Variants in CGRRF1 observed in about 807,000 individuals in gnomAD.
CGRRF1 encodes the protein cell growth regulator with ring finger domain 1, also known as cell growth regulator with RING finger domain protein 1.
A neutral mutation model predicts 37.2 loss-of-function variants in CGRRF1; 32 were observed. The observed-to-expected ratio is 0.86, with a 90% CI of 0.65 to 1.16. CGRRF1 has a LOEUF of 1.16. Among genes scored for constraint, CGRRF1 ranks in the 50% most tolerant of loss-of-function variants. The pLI is 0.00. For missense variants in CGRRF1, 391 were observed against 382.6 expected, an observed-to-expected ratio of 1.02 and a Z score of -0.18; for synonymous variants, 141 against 140.3, an observed-to-expected ratio of 1.00 and a Z score of -0.04.
chr14:54,531,165 TACA>T lies in CGRRF1; in HGVS notation c.570+121_570+123del, dbSNP rs2032508950. On this transcript the variant is annotated intron_variant, in intron 4 of 5. Coordinates refer to ENST00000216420, the MANE Select transcript of CGRRF1 (RefSeq NM_006568.3). ...AATTTCTGAGGATGTGCATTTGGCC[TACA>T]ACAACTATATACCTATTTGGTTTTT... 6.1e-6 allele frequency: 5 copies of T among 819,378 alleles called. No homozygotes were observed. In the South Asian group the frequency reaches 7.1e-5, roughly 12 times the overall value. The allele number at this position is 819,378 out of a possible 1,614,324, so 50.8% of individuals were successfully genotyped here.
chr14:54,535,359 T>TCACA (rs143950400), intron 4 of CGRRF1, among the ~76,000 whole-genome samples: 5,220 of 140,548 alleles, frequency 0.037, 87 homozygotes, highest in African/African-American at 0.046. Context: ...AAGGGTATAG[T>TCACA]CACACACACA....
intron 1 of CGRRF1, among the ~76,000 whole-genome samples, chr14:54,518,210 A>T (rs768865511): frequency 1.6e-4 from 25 of 152,214 alleles, no homozygotes; most frequent in Non-Finnish European, 3.5e-4. Flanking sequence ...ACTGTCTTCC[A>T]CAATAGTTGA....
chr14:54,520,912 G>A (rs1021693024), intron 1 of CGRRF1, among the ~76,000 whole-genome samples: 2 of 151,980 alleles, frequency 1.3e-5, no homozygotes, highest in African/African-American at 4.8e-5. Flanking sequence ...TGGAGAGAAG[G>A]GAGTGCATCA....
At chr14:54,533,011 A>G (rs891020140) in intron 4 of CGRRF1, among the ~76,000 whole-genome samples, 1 of 151,380 alleles carries the variant, frequency 6.6e-6, no homozygotes, top group African/African-American at 2.4e-5. Flanking sequence ...GCACAAAAGG[A>G]TCAGATCGCA....
intron 1 of CGRRF1, among the ~76,000 whole-genome samples, chr14:54,511,835 G>A (rs1448108009): frequency 1.3e-5 from 2 of 152,216 alleles, no homozygotes; most frequent in Non-Finnish European, 2.9e-5. Flanking sequence ...TCTGGGCTAA[G>A]CACTGCTGAG....
chr14:54,525,515 C>T (rs544349036), intron 2 of CGRRF1, among the ~76,000 whole-genome samples: 14 of 152,100 alleles, frequency 9.2e-5, no homozygotes, highest in Non-Finnish European at 1.9e-4. Context: ...TTTTAAAATA[C>T]CGATGCATAT....
At chr14:54,520,333 C>T (rs978425018) in intron 1 of CGRRF1, among the ~76,000 whole-genome samples, 10 of 152,000 alleles carry the variant, frequency 6.6e-5, no homozygotes, top group African/African-American at 9.7e-5. Flanking sequence ...CGGGATTTCA[C>T]TGTGTTAATC....
At chr14:54,510,956 G>A (rs1313599330) in intron 1 of CGRRF1, among the ~76,000 whole-genome samples, 1 of 152,216 alleles carries the variant, frequency 6.6e-6, no homozygotes, top group Non-Finnish European at 1.5e-5. Flanking sequence ...GAGGTCAGAG[G>A]GGACTCTGTT....
chr14:54,536,797 A>G (rs535334355), intron 4 of CGRRF1: 2 of 152,152 alleles, frequency 1.3e-5, no homozygotes, highest in African/African-American at 4.8e-5. Flanking sequence ...CTAGTTTGTC[A>G]TGTGTTTTGA....
intron 2 of CGRRF1, among the ~76,000 whole-genome samples, chr14:54,528,235 C>T (rs1238933697): frequency 1.6e-5 from 2 of 124,376 alleles, no homozygotes; most frequent in Non-Finnish European, 3.2e-5. Context: ...TTTTAAGAGA[C>T]AGAGTCTCAC....
At chr14:54,521,199 G>A (rs1041791761) in intron 1 of CGRRF1, among the ~76,000 whole-genome samples, 4 of 152,024 alleles carry the variant, frequency 2.6e-5, no homozygotes, top group African/African-American at 4.8e-5. Context: ...GGTGGCTCAC[G>A]CCTGTAATCC....
At chr14:54,528,901 T>C (rs545994624) in intron 2 of CGRRF1, among the ~76,000 whole-genome samples, 1 of 152,284 alleles carries the variant, frequency 6.6e-6, no homozygotes, top group South Asian at 2.1e-4. Context: ...GAGAGTAAAA[T>C]TGGAAAAATC....
Position 54,537,761 on chromosome 14 carries a change from T to C in CGRRF1, c.610T>C (p.Tyr204His). The change falls in exon 5 of 6, where the codon TAT becomes CAT. Residue 204 changes from tyrosine (Y) to histidine (H), a missense_variant. Physicochemically the swap from Tyr to His is moderately conservative, Grantham distance 83. Coordinates refer to ENST00000216420, the MANE Select transcript of CGRRF1 (RefSeq NM_006568.3). ...AGTGATTCATATTCCTGATAGGACTTATAAACTATCCTGCAGAATATTGTA... is the reference window on the plus strand; with the variant it reads ...AGTGATTCATATTCCTGATAGGACTCATAAACTATCCTGCAGAATATTGTA... ...VSVIHIPDRT[Y>H]KLSCRILYQY... is the part of the protein sequence containing the mutation. 1 of 1,596,404 alleles carries C rather than the reference T, an allele frequency of 6.3e-7. No homozygotes were observed.
At chr14:54,512,880 C>G (rs998719228) in intron 1 of CGRRF1, among the ~76,000 whole-genome samples, 1 of 152,170 alleles carries the variant, frequency 6.6e-6, no homozygotes, top group Non-Finnish European at 1.5e-5. Context: ...ATAGTAAATT[C>G]TCTTTATTCT....
intron 2 of CGRRF1, among the ~76,000 whole-genome samples, chr14:54,529,628 G>T (rs1185432061): frequency 6.6e-6 from 1 of 152,104 alleles, no homozygotes; most frequent in African/African-American, 2.4e-5. Context: ...GAGCCTATAG[G>T]TTGTACATAT....
At chr14:54,512,744 T>C (rs1049141292) in intron 1 of CGRRF1, among the ~76,000 whole-genome samples, 1 of 152,240 alleles carries the variant, frequency 6.6e-6, no homozygotes, top group Middle Eastern at 3.2e-3. Context: ...TTGGTCCCAC[T>C]TGTTCCAGTT....
chr14:54,523,968 G>A (rs1480883466), intron 2 of CGRRF1, among the ~76,000 whole-genome samples: 3 of 152,118 alleles, frequency 2.0e-5, no homozygotes, highest in East Asian at 1.9e-4. Context: ...AGCTACTGCC[G>A]TATTTCTCTT....
rs770379085 is a variant in CGRRF1 at position 54,509,944 on chromosome 14, C to A, written c.-16C>A. On this transcript the variant is annotated 5_prime_UTR_variant, in exon 1 of 6. Coordinates refer to ENST00000216420, the MANE Select transcript of CGRRF1 (RefSeq NM_006568.3). ...CTCCGCGGCTGGAGCCGGGCTCTAC[C>A]CAGAGCAAGACCCTGATGGCTGCGG... The A allele has an allele frequency of 6.3e-7, 1 of 1,592,588 alleles. No homozygotes were observed. The highest frequency in any genetic ancestry group is 2.2e-5 in the East Asian group (1 of 44,774).
At position 54,538,305 on chromosome 14, in the gene CGRRF1, G is replaced by T; in HGVS notation, c.921G>T (p.Met307Ile). The change falls in exon 6 of 6, where the codon ATG (methionine) becomes ATT (isoleucine). Residue 307 changes from methionine (M) to isoleucine (I), a missense_variant. Met to Ile is a conservative substitution (Grantham distance 10). Transcript: ENST00000216420. ...GCVKYFQQCPMCRQFVQESFA... is the reference protein window; with the variant it reads ...GCVKYFQQCPICRQFVQESFA... ...TGAAGTATTTTCAGCAGTGCCCAAT[G>T]TGCAGGCAGTTTGTTCAGGAATCTT... 1 of 1,614,162 alleles carries T rather than the reference G, an allele frequency of 6.2e-7. No homozygotes were observed. The highest frequency in any genetic ancestry group is 8.5e-7 in the Non-Finnish European group (1 of 1,179,996).
Sources: gnomAD v4.1 joint callset for allele counts (sites outside exome capture counted in the v4.1 genomes callset) on GRCh38, gnomAD v4.1.1 for gene constraint, MANE v1.5 for transcripts, NCBI Gene and HGNC (gene_info 2026-07-23, HGNC 2026-07-21) for gene names.